The following NCAM2 variants were observed in gnomAD, a reference collection of about 807,000 sequenced individuals.
NCAM2 encodes N-CAM-2.
In NCAM2, 30 loss-of-function variants were observed where a neutral mutation model predicts 98.1. The ratio of observed to expected loss-of-function variants is 0.31; its 90% confidence interval spans 0.23 to 0.41. NCAM2 has a LOEUF of 0.41. NCAM2 is among the 10% of genes least tolerant of loss of function. The probability of loss-of-function intolerance (pLI) is 1.00; values close to 1 mark genes in which losing one functional copy is unlikely to be tolerated. For synonymous variants in NCAM2, 368 were observed against 342.4 expected, an observed-to-expected ratio of 1.07 and a Z score of -0.83; for missense variants, 867 against 1,005.8, an observed-to-expected ratio of 0.86 and a Z score of 1.87.
At chr21:21,370,939 T>C (rs1478666267) in intron 8 of NCAM2, among the ~76,000 whole-genome samples, 1 of 151,902 alleles carries the variant, frequency 6.6e-6, no homozygotes, top group African/African-American at 2.4e-5. Context: ...AATTTTTTAT[T>C]TTATTATCAA....
At chr21:21,076,082 A>C (rs1393957444) in intron 1 of NCAM2, among the ~76,000 whole-genome samples, 1 of 151,116 alleles carries the variant, frequency 6.6e-6, no homozygotes, top group Non-Finnish European at 1.5e-5. Context: ...ATGCCACTGC[A>C]CTCGAGCCTG....
intron 1 of NCAM2, among the ~76,000 whole-genome samples, chr21:21,271,676 G>T (rs1015329463): frequency 1.3e-5 from 2 of 152,138 alleles, no homozygotes; most frequent in Admixed American, 1.3e-4. Context: ...ATGTATGACT[G>T]ATAGGAATAT....
intron 1 of NCAM2, 139 bp from the exon 2 acceptor site, chr21:21,280,439 C>A: frequency 1.7e-6 from 1 of 577,274 alleles, no homozygotes; most frequent in Non-Finnish European, 3.0e-6. Context: ...TTTTACAAAA[C>A]TTTCATTTTT....
At chr21:21,101,685 C>G (rs1381731660) in intron 1 of NCAM2, among the ~76,000 whole-genome samples, 2 of 151,984 alleles carry the variant, frequency 1.3e-5, no homozygotes, top group East Asian at 1.9e-4. Context: ...AACCATTTCT[C>G]AAAAAGGTCA....
chr21:21,021,517 A>C (rs1001092880), intron 1 of NCAM2, among the ~76,000 whole-genome samples: 3 of 152,190 alleles, frequency 2.0e-5, no homozygotes, highest in African/African-American at 7.2e-5. Context: ...AAATAGAAAC[A>C]AACAGTAGGA....
intron 1 of NCAM2, among the ~76,000 whole-genome samples, chr21:21,255,980 C>T (rs2826757): frequency 0.072 from 10,964 of 152,150 alleles, 794 homozygotes; most frequent in East Asian, 0.34. Context: ...AGTCCATGGC[C>T]CTGCCTAGGC....
chr21:21,456,005 A>G (rs2146165362), intron 12 of NCAM2, among the ~76,000 whole-genome samples: 1 of 152,138 alleles, frequency 6.6e-6, no homozygotes, highest in East Asian at 1.9e-4. Context: ...AGAAAACTTT[A>G]AAAAAAGAAA....
intron 5 of NCAM2, among the ~76,000 whole-genome samples, chr21:21,309,112 T>C (rs2073966935): frequency 6.6e-6 from 1 of 152,332 alleles, no homozygotes; most frequent in East Asian, 1.9e-4. Context: ...GCCATCATAA[T>C]AACTGATTTA....
At chr21:21,272,993 ACAC>A (rs2147444438) in intron 1 of NCAM2, among the ~76,000 whole-genome samples, 1 of 148,230 alleles carries the variant, frequency 6.7e-6, no homozygotes, top group African/African-American at 2.5e-5. Context: ...ATACACACAC[ACAC>A]ACACACACAC....
At chr21:21,107,987 A>C (rs974426202) in intron 1 of NCAM2, among the ~76,000 whole-genome samples, 3 of 152,108 alleles carry the variant, frequency 2.0e-5, no homozygotes, top group African/African-American at 7.2e-5. Flanking sequence ...TTCTTGGTGT[A>C]CGTTGTAGGG....
At chr21:21,365,660 C>T (rs1259117658) in intron 8 of NCAM2, among the ~76,000 whole-genome samples, 1 of 151,704 alleles carries the variant, frequency 6.6e-6, no homozygotes, top group Non-Finnish European at 1.5e-5. Flanking sequence ...TTTAATGGGC[C>T]CTGCATATGT....
chr21:21,486,959 AATGTTTATTCTTAC>A (rs1332611498), intron 15 of NCAM2, among the ~76,000 whole-genome samples: 1 of 152,088 alleles, frequency 6.6e-6, no homozygotes, highest in African/African-American at 2.4e-5. Context: ...CATTTGGCCA[AATGTTTATTCTTAC>A]ATGAACACCT....
At chr21:21,210,505 G>T in intron 1 of NCAM2, 2 of 1,274,540 alleles carry the variant, frequency 1.6e-6, no homozygotes, top group South Asian at 1.3e-5. Context: ...AAACTCAAAG[G>T]GTGTAAGAGA....
At chr21:21,138,866 C>T (rs1322409027) in intron 1 of NCAM2, among the ~76,000 whole-genome samples, 1 of 152,028 alleles carries the variant, frequency 6.6e-6, no homozygotes. Flanking sequence ...TAAAATAACC[C>T]TTTAATGTAG....
At chr21:21,270,366 C>G (rs181042872) in intron 1 of NCAM2, among the ~76,000 whole-genome samples, 162 of 152,262 alleles carry the variant, frequency 1.1e-3, no homozygotes, top group African/African-American at 3.8e-3. Context: ...ATGACTCAGA[C>G]AACGTTCCCC....
intron 10 of NCAM2, among the ~76,000 whole-genome samples, chr21:21,416,094 A>G (rs1446295000): frequency 6.6e-6 from 1 of 152,134 alleles, no homozygotes; most frequent in African/African-American, 2.4e-5. Context: ...CTTTTGATTT[A>G]ATATGGGAGA....
At chr21:21,097,325 A>G (rs1342575784) in intron 1 of NCAM2, among the ~76,000 whole-genome samples, 4 of 151,710 alleles carry the variant, frequency 2.6e-5, no homozygotes, top group African/African-American at 9.7e-5. Context: ...TAGTCAATAT[A>G]CCATAGTAAC....
intron 15 of NCAM2, among the ~76,000 whole-genome samples, chr21:21,484,680 A>G (rs1986193648): frequency 6.6e-6 from 1 of 152,204 alleles, no homozygotes; most frequent in African/African-American, 2.4e-5. Flanking sequence ...TTAATTATGC[A>G]TGTATCTTCA....
At chr21:21,224,550 T>C (rs1426139185) in intron 1 of NCAM2, among the ~76,000 whole-genome samples, 1 of 152,136 alleles carries the variant, frequency 6.6e-6, no homozygotes, top group Non-Finnish European at 1.5e-5. Context: ...AGAGGTAATA[T>C]AAAAATTTGC....
Sources: gnomAD v4.1 joint callset for allele counts (sites outside exome capture counted in the v4.1 genomes callset) on GRCh38, gnomAD v4.1.1 for gene constraint, MANE v1.5 for transcripts, NCBI Gene and HGNC (gene_info 2026-07-23, HGNC 2026-07-21) for gene names.